Variants in CDIN1 observed in about 807,000 individuals in gnomAD.
The protein encoded by CDIN1 is CDAN1 interacting nuclease 1.
CDIN1 carries 33 observed loss-of-function variants against 45.3 expected under a neutral mutation model. The ratio of observed to expected loss-of-function variants is 0.73; its 90% CI spans 0.55 to 0.97. CDIN1 has a LOEUF of 0.97. Ranked by LOEUF, CDIN1 falls within the 50% of genes least tolerant of loss-of-function variation. The pLI is 0.00. For synonymous variants in CDIN1, 118 were observed against 124.4 expected (o/e 0.95, Z 0.34); for missense variants, 303 against 339.4 (o/e 0.89, Z 0.84).
chr15:36,632,671 CAATT>C (rs1250610713), intron 1 of CDIN1, among the ~76,000 whole-genome samples: 7 of 152,290 alleles, frequency 4.6e-5, no homozygotes, highest in African/African-American at 1.4e-4. Flanking sequence ...TTCTGCTAAT[CAATT>C]GTCAGTTTAT....
At chr15:36,659,944 TTC>T (rs1180110933) in intron 5 of CDIN1, among the ~76,000 whole-genome samples, 1 of 149,692 alleles carries the variant, frequency 6.7e-6, no homozygotes, top group Non-Finnish European at 1.5e-5. Flanking sequence ...GTCTTTTTCA[TTC>T]TCTCTTTTTC....
At chr15:36,734,438 G>A (rs986316651) in intron 10 of CDIN1, 5 of 388,912 alleles carry the variant, frequency 1.3e-5, no homozygotes, top group African/African-American at 8.5e-5. Context: ...TTTCCACTGA[G>A]TTCAGTCCTA....
rs978004483 is a variant in CDIN1, at chr15:36,797,852, T to C, written c.717-10472T>C. On this transcript the variant is annotated intron_variant, in intron 10 of 10. Coordinates refer to ENST00000566621, the MANE Select transcript of CDIN1 (RefSeq NM_001321759.2). ...AAAATTAGCTGGGCATGGTGGTGCA[T>C]GCCTGTAGTCCCAGCTCCTCAGGAG... is the stretch of plus-strand genomic sequence containing the variant. Among the ~76,000 whole-genome samples the C allele has an allele frequency of 5.8e-4, 88 of 151,822 alleles. 1 individual carries two copies. Among genetic ancestry groups the C allele is most frequent in the African/African-American group, 1.7e-3 (72 of 41,388 alleles).
intron 10 of CDIN1, among the ~76,000 whole-genome samples, chr15:36,754,720 A>G (rs973553438): frequency 2.0e-5 from 3 of 152,106 alleles, no homozygotes; most frequent in Admixed American, 6.6e-5. Context: ...AAACAATTAT[A>G]TAATTGTTTT....
At chr15:36,736,943 G>T (rs576413020) in intron 10 of CDIN1, among the ~76,000 whole-genome samples, 2 of 151,928 alleles carry the variant, frequency 1.3e-5, no homozygotes, top group African/African-American at 4.8e-5. Context: ...GAGGCGAGCG[G>T]ATCACCTGAG....
intron 10 of CDIN1, among the ~76,000 whole-genome samples, chr15:36,795,986 G>A (rs2054785491): frequency 6.6e-6 from 1 of 152,114 alleles, no homozygotes; most frequent in South Asian, 2.1e-4. Flanking sequence ...GTTTACTCAC[G>A]TTTCCTACCC....
Position 36,698,969 on chromosome 15 carries a change from G to A in CDIN1, c.544+1579G>A, listed in dbSNP as rs146036823. Among the ~76,000 whole-genome samples, 680 of 152,332 alleles carry A rather than the reference G, an allele frequency of 4.5e-3. 2 individuals carry two copies. The highest frequency in any genetic ancestry group is 7.9e-3 in the Non-Finnish European group (534 of 68,020). ...TGGCTGACAAAAGCAATGTAAAAATGTGGTCTGGGGATCATCTCTACTTGC... is the reference window on the plus strand; with the variant it reads ...TGGCTGACAAAAGCAATGTAAAAATATGGTCTGGGGATCATCTCTACTTGC... On this transcript the variant is annotated intron_variant, in intron 8 of 10. Coordinates refer to ENST00000566621, the MANE Select transcript of CDIN1 (RefSeq NM_001321759.2).
chr15:36,619,202 C>CTAT, intron 1 of CDIN1: 1 of 1,319,650 alleles, frequency 7.6e-7, no homozygotes, highest in Non-Finnish European at 1.0e-6. Flanking sequence ...AGTCGTAGGG[C>CTAT]TATACCTCAG....
At chr15:36,678,358 G>A (rs910761572) in intron 5 of CDIN1, among the ~76,000 whole-genome samples, 10 of 152,200 alleles carry the variant, frequency 6.6e-5, no homozygotes, top group African/African-American at 1.7e-4. Flanking sequence ...ATCCAAAGGC[G>A]TTAAACCATC....
rs568110101 is a variant in CDIN1 at position 36,751,229 on chromosome 15, T to TTTATATATATATA, written c.716+41269_716+41270insTATATATATATAT. Among the ~76,000 whole-genome samples the TTTATATATATATA allele has an allele frequency of 1.3e-3, 122 of 97,558 alleles. 2 individuals are homozygous for TTTATATATATATA. Among genetic ancestry groups the TTTATATATATATA allele is most frequent in the African/African-American group, 4.9e-3 (113 of 23,104 alleles). 64.0% of individuals were successfully genotyped at this position (97,558 alleles called of 152,430 possible). A position where few individuals can be genotyped will look rare whatever the true frequency, so the allele number is the denominator to read the frequency against. ...ATAAAAGCATATATATATGCTTATTTTATATATATATATATATATATATAT... is the reference window on the plus strand; with the variant it reads ...ATAAAAGCATATATATATGCTTATTTTTATATATATATATATATATATATATATATATATATAT... On this transcript the variant is annotated intron_variant, in intron 10 of 10. Coordinates refer to ENST00000566621, the MANE Select transcript of CDIN1 (RefSeq NM_001321759.2).
At chr15:36,788,153 G>T (rs1451387714) in intron 10 of CDIN1, among the ~76,000 whole-genome samples, 5 of 106,856 alleles carry the variant, frequency 4.7e-5, no homozygotes. Context: ...TTTCACTCCT[G>T]TTGCCCAGGC....
At chr15:36,788,466 C>T (rs1288094372) in intron 10 of CDIN1, among the ~76,000 whole-genome samples, 1 of 151,952 alleles carries the variant, frequency 6.6e-6, no homozygotes, top group Non-Finnish European at 1.5e-5. Flanking sequence ...CTAATTAGTA[C>T]ATCCTGACAG....
At chr15:36,650,400 A>G (rs1342574699) in intron 3 of CDIN1, among the ~76,000 whole-genome samples, 1 of 143,972 alleles carries the variant, frequency 6.9e-6, no homozygotes, top group Non-Finnish European at 1.5e-5. Context: ...GCTTGAGAAA[A>G]TTTTTATTTA....
At chr15:36,774,871 G>T (rs1255636801) in intron 10 of CDIN1, among the ~76,000 whole-genome samples, 1 of 152,156 alleles carries the variant, frequency 6.6e-6, no homozygotes, top group African/African-American at 2.4e-5. Context: ...GGGTTAAACT[G>T]TCAGCTTGAC....
intron 10 of CDIN1, among the ~76,000 whole-genome samples, chr15:36,763,032 G>A (rs1284921130): frequency 6.6e-6 from 1 of 152,100 alleles, no homozygotes; most frequent in East Asian, 1.9e-4. Context: ...TGGGTCAAAT[G>A]GTATTTCTAG....
At chr15:36,625,760 A>C (rs1002584774) in intron 1 of CDIN1, among the ~76,000 whole-genome samples, 4 of 152,334 alleles carry the variant, frequency 2.6e-5, no homozygotes, top group East Asian at 1.9e-4. Context: ...ATAATTAATC[A>C]TCAACTCTCA....
At chr15:36,626,784 T>G in intron 1 of CDIN1, 1 of 336,920 alleles carries the variant, frequency 3.0e-6, no homozygotes, top group South Asian at 2.7e-5. Flanking sequence ...CTGATGATGA[T>G]GGGGGTCAGG....
intron 10 of CDIN1, among the ~76,000 whole-genome samples, chr15:36,765,338 G>A (rs768306748): frequency 1.3e-5 from 2 of 151,926 alleles, no homozygotes; most frequent in African/African-American, 2.4e-5. Flanking sequence ...TTACAGGCGC[G>A]AGCCACCATG....
intron 1 of CDIN1, chr15:36,626,685 C>G (rs2039442553): frequency 2.5e-6 from 1 of 404,690 alleles, no homozygotes; most frequent in Non-Finnish European, 5.0e-6. Flanking sequence ...CATGAGCTTC[C>G]TAAGTGGGAG....
Sources: gnomAD v4.1 joint callset for allele counts (sites outside exome capture counted in the v4.1 genomes callset) on GRCh38, gnomAD v4.1.1 for gene constraint, MANE v1.5 for transcripts, NCBI Gene and HGNC (gene_info 2026-07-23, HGNC 2026-07-21) for gene names.